PRTG: variants seen among roughly 807,000 people sequenced by gnomAD.
The protein encoded by PRTG is immunoglobulin superfamily, DCC subclass, member 5.
Under a neutral mutation model 122.5 loss-of-function variants are expected in PRTG, and 67 were observed. The observed-to-expected ratio is 0.55, with a 90% CI of 0.45 to 0.67. The LOEUF (loss-of-function observed/expected upper bound fraction) is 0.67, where lower values mean the gene tolerates loss of function less well. Among genes scored for constraint, PRTG ranks in the 30% least tolerant of loss-of-function variants. The pLI is 0.00. For synonymous variants in PRTG, 554 were observed against 501.1 expected, an observed-to-expected ratio of 1.11 and a Z score of -1.41; for missense variants, 1,435 against 1,415.4, an observed-to-expected ratio of 1.01 and a Z score of -0.22.
chr15:55,729,588 A>G (rs574392310), intron 2 of PRTG, among the ~76,000 whole-genome samples: 6 of 151,478 alleles, frequency 4.0e-5, no homozygotes, highest in East Asian at 3.9e-4. Flanking sequence ...TTCTGCGGGG[A>G]AAAAAAATAA....
intron 15 of PRTG, among the ~76,000 whole-genome samples, chr15:55,630,045 G>A (rs1420123887): frequency 4.0e-5 from 6 of 149,962 alleles, no homozygotes; most frequent in South Asian, 2.1e-4. Context: ...AGAGTGCAGC[G>A]GCACGATCTT....
intron 11 of PRTG, among the ~76,000 whole-genome samples, chr15:55,648,032 T>C (rs967667900): frequency 2.0e-5 from 3 of 152,252 alleles, no homozygotes; most frequent in African/African-American, 7.2e-5. Flanking sequence ...GTGGTATATC[T>C]ACCTTTACCC....
At chr15:55,660,416 T>C (rs2059403807) in intron 11 of PRTG, among the ~76,000 whole-genome samples, 1 of 152,216 alleles carries the variant, frequency 6.6e-6, no homozygotes, top group African/African-American at 2.4e-5. Flanking sequence ...CTCACACATC[T>C]AAAGATTCTT....
chr15:55,643,738 G>A (rs1346547194), intron 11 of PRTG, among the ~76,000 whole-genome samples: 1 of 152,020 alleles, frequency 6.6e-6, no homozygotes, highest in Non-Finnish European at 1.5e-5. Flanking sequence ...AAGGTGTTAA[G>A]GAGAATGTCC....
At chr15:55,684,407 G>C (rs1029115710) in intron 2 of PRTG, among the ~76,000 whole-genome samples, 13 of 152,154 alleles carry the variant, frequency 8.5e-5, no homozygotes, top group African/African-American at 3.1e-4. Flanking sequence ...AACATTTCAA[G>C]TGAAAAGAAT....
chr15:55,612,697 A>AACAT lies in PRTG; in HGVS notation c.*7314_*7315insATGT, dbSNP rs2059125592. The AACAT allele has an allele frequency of 8.3e-6, 1 of 120,748 alleles. No homozygotes were observed. The highest frequency in any genetic ancestry group is 4.7e-5 in the African/African-American group (1 of 21,352). 7.5% of individuals were successfully genotyped at this position (120,748 alleles called of 1,614,324 possible). A position where few individuals can be genotyped will look rare whatever the true frequency, so the allele number is the denominator to read the frequency against. On this transcript the variant is annotated 3_prime_UTR_variant, in exon 20 of 20. Transcript: ENST00000389286. ...TTCTCTCTTTAACTCTTTAAAAGCC[A>AACAT]ATATATATATATATATATATATATA...
At chr15:55,630,263 G>A (rs34646495) in intron 15 of PRTG, among the ~76,000 whole-genome samples, 1 of 151,982 alleles carries the variant, frequency 6.6e-6, no homozygotes, top group Non-Finnish European at 1.5e-5. Flanking sequence ...TGGGATTACA[G>A]GCATGAGCCA....
At chr15:55,704,891 T>C (rs1258526036) in intron 2 of PRTG, among the ~76,000 whole-genome samples, 2 of 152,318 alleles carry the variant, frequency 1.3e-5, no homozygotes, top group Admixed American at 6.5e-5. Flanking sequence ...ATTCATAAAG[T>C]AGACATAGAC....
In PRTG at chr15:55,680,606, G is replaced by A. The variant is rs551036897; in HGVS notation, c.699C>T (p.His233=). The part of the protein sequence containing the change: ...VIPAKESKSF[H]TPTIIAGPQN... ...GTGGACCTGCTATAATTGTTGGTGTGTGGAAGGATTTTGACTCCTTAGCTT... is the reference window on the plus strand; with the variant it reads ...GTGGACCTGCTATAATTGTTGGTGTATGGAAGGATTTTGACTCCTTAGCTT... The change falls in exon 5 of 20, where the codon CAC becomes CAT. Residue 233 remains histidine, a synonymous_variant. Coordinates refer to ENST00000389286, the MANE Select transcript of PRTG (RefSeq NM_173814.6). 2 of 1,553,316 alleles carry A rather than the reference G, an allele frequency of 1.3e-6. No individual in the cohort carries two copies. The highest frequency in any genetic ancestry group is 1.7e-6 in the Non-Finnish European group (2 of 1,147,804).
chr15:55,705,273 T>A (rs947666672), intron 2 of PRTG, among the ~76,000 whole-genome samples: 3 of 152,198 alleles, frequency 2.0e-5, no homozygotes, highest in Admixed American at 1.3e-4. Context: ...ATTCTCCCAG[T>A]AGGACACATA....
intron 17 of PRTG, among the ~76,000 whole-genome samples, chr15:55,625,768 C>T (rs77957184): frequency 0.35 from 53,047 of 151,552 alleles, 11,500 homozygotes; most frequent in Non-Finnish European, 0.49. Context: ...GGATTATAGG[C>T]GCCTACCACC....
chr15:55,627,853 T>G (rs2059204216), intron 16 of PRTG, among the ~76,000 whole-genome samples: 1 of 152,130 alleles, frequency 6.6e-6, no homozygotes, highest in South Asian at 2.1e-4. Flanking sequence ...CATGTGCCTG[T>G]GAGTCACTAG....
intron 2 of PRTG, among the ~76,000 whole-genome samples, chr15:55,734,355 G>A (rs1203843190): frequency 6.6e-6 from 1 of 152,006 alleles, no homozygotes; most frequent in Non-Finnish European, 1.5e-5. Context: ...ATTTAAAGTA[G>A]TCTGCATAAA....
chr15:55,732,511 T>TG, intron 2 of PRTG, among the ~76,000 whole-genome samples: 1 of 150,440 alleles, frequency 6.6e-6, no homozygotes, highest in Non-Finnish European at 1.5e-5. Context: ...TTTTTTTTTT[T>TG]GAGACGGAGT....
chr15:55,635,844 G>C (rs1055324719), intron 15 of PRTG, among the ~76,000 whole-genome samples: 2 of 152,132 alleles, frequency 1.3e-5, no homozygotes, highest in Non-Finnish European at 2.9e-5. Context: ...GTACTGTACA[G>C]TGTATAGAAT....
chr15:55,614,526 C>T lies in PRTG; in HGVS notation c.*5486G>A, dbSNP rs1302122091. The T allele has an allele frequency of 2.6e-5, 4 of 152,110 alleles. No individual in the cohort carries two copies. Among genetic ancestry groups the T allele is most frequent in the African/African-American group, 9.7e-5 (4 of 41,434 alleles). 9.4% of individuals were successfully genotyped at this position (152,110 alleles called of 1,614,324 possible). On this transcript the variant is annotated 3_prime_UTR_variant, in exon 20 of 20. Transcript: ENST00000389286. The stretch of plus-strand genomic sequence containing the variant: ...TTGAGGTCTTCCCCCAACTCTTCCC[C>T]AGCAACATAACCACTGAAGAGAAAA...
At chr15:55,732,405 G>A (rs993990894) in intron 2 of PRTG, among the ~76,000 whole-genome samples, 1 of 151,426 alleles carries the variant, frequency 6.6e-6, no homozygotes, top group Non-Finnish European at 1.5e-5. Flanking sequence ...GGCTGGTCTC[G>A]AACTCCTGAC....
At chr15:55,729,846 T>C (rs555506665) in intron 2 of PRTG, among the ~76,000 whole-genome samples, 7 of 152,086 alleles carry the variant, frequency 4.6e-5, no homozygotes, top group Admixed American at 6.6e-5. Flanking sequence ...AAACTTCCAT[T>C]TGGACAGATG....
chr15:55,710,416 T>A (rs868089274), intron 2 of PRTG, among the ~76,000 whole-genome samples: 39 of 152,342 alleles, frequency 2.6e-4, no homozygotes, highest in Middle Eastern at 6.8e-3. Context: ...CAAACTGTTA[T>A]TTGTAGCACT....
Sources: gnomAD v4.1 joint callset for allele counts (sites outside exome capture counted in the v4.1 genomes callset) on GRCh38, gnomAD v4.1.1 for gene constraint, MANE v1.5 for transcripts, NCBI Gene and HGNC (gene_info 2026-07-23, HGNC 2026-07-21) for gene names.